SFMBT2: variants seen among roughly 807,000 people sequenced by gnomAD.
The protein encoded by SFMBT2 is scm-like with four MBT domains protein 2.
Under a neutral mutation model 110.1 loss-of-function variants are expected in SFMBT2, and 38 were observed. The ratio of observed to expected loss-of-function variants is 0.35; its 90% CI spans 0.27 to 0.45. The LOEUF is 0.45. Among genes scored for constraint, SFMBT2 ranks in the 20% least tolerant of loss-of-function variants. The probability of loss-of-function intolerance (pLI) is 1.00; values close to 1 mark genes in which losing one functional copy is unlikely to be tolerated. For synonymous variants in SFMBT2, 425 were observed against 425.4 expected, an observed-to-expected ratio of 1.00 and a Z score of 0.01; for missense variants, 1,011 against 1,094.9, an observed-to-expected ratio of 0.92 and a Z score of 1.08.
At chr10:7,207,737 T>C (rs1289109903) in intron 11 of SFMBT2, among the ~76,000 whole-genome samples, 2 of 152,210 alleles carry the variant, frequency 1.3e-5, no homozygotes, top group Non-Finnish European at 2.9e-5. Flanking sequence ...GCTCTGACTT[T>C]TCATCGTCAA....
At position 7,198,592 on chromosome 10, in the gene SFMBT2, T is replaced by C. The variant is rs1838850553; in HGVS notation, c.1559-905A>G. Among the ~76,000 whole-genome samples, 3 of 152,228 alleles carry C rather than the reference T, an allele frequency of 2.0e-5. No individual in the cohort carries two copies. The East Asian group carries it at 5.8e-4, about 29-fold the overall frequency. ...TGGTTCCTGTTGCACTTCTCCACTC[T>C]GCCAGTCTGAAGACGGTGAAGTAGA... On this transcript the variant is annotated intron_variant, in intron 14 of 20. Transcript: ENST00000397167.
chr10:7,222,165 A>G (rs770774980), intron 10 of SFMBT2, among the ~76,000 whole-genome samples: 1 of 152,192 alleles, frequency 6.6e-6, no homozygotes, highest in African/African-American at 2.4e-5. Context: ...CATCCATGCT[A>G]TTACATGAAA....
At position 7,171,026 on chromosome 10, in the gene SFMBT2, C is replaced by T; in HGVS notation, c.2446G>A (p.Val816Ile). 6.2e-7 allele frequency: 1 copy of T among 1,614,218 alleles called. No individual in the cohort carries two copies. Among genetic ancestry groups the T allele is most frequent in the Non-Finnish European group, 8.5e-7 (1 of 1,180,030 alleles). Residue 816 changes from valine (V) to isoleucine (I), a missense_variant, in exon 20 of 21, where the codon GTT becomes ATT. This residue lies in a region of SFMBT2 where 979 missense variants were observed against 1,016.1 expected (regional missense o/e 0.96). Coordinates refer to ENST00000397167, the MANE Select transcript of SFMBT2 (RefSeq NM_001387889.1). The surrounding 1 kb of genome is among the most constrained non-coding windows in gnomAD (Gnocchi z 4.9). The stretch of plus-strand genomic sequence containing the variant: ...CACTCCAACGGGTTGCTCTCCAGAA[C>T]CAGTCTCTCCTCCTCCTCCTGTTTC... Reference protein sequence around the residue: ...DTKQEEEERLVLESNPLEWTV... With the variant: ...DTKQEEEERLILESNPLEWTV...
intron 6 of SFMBT2, among the ~76,000 whole-genome samples, chr10:7,279,051 A>C (rs1013298330): frequency 2.0e-5 from 3 of 151,262 alleles, no homozygotes; most frequent in Non-Finnish European, 4.4e-5. Context: ...CAGTGAGCTG[A>C]GATTGTGCCA....
intron 4 of SFMBT2, among the ~76,000 whole-genome samples, chr10:7,302,873 C>T (rs771735263): frequency 5.3e-5 from 8 of 152,090 alleles, no homozygotes; most frequent in Non-Finnish European, 8.8e-5. Context: ...CTTTTTCTTT[C>T]TTATCAATAA....
intron 4 of SFMBT2, chr10:7,287,460 A>C (rs939482582): frequency 4.1e-6 from 1 of 243,858 alleles, no homozygotes; most frequent in Non-Finnish European, 6.6e-6. Context: ...TGAGGAAAGC[A>C]TATCTCTTTG....
chr10:7,385,564 G>A (rs955062058), intron 1 of SFMBT2, among the ~76,000 whole-genome samples: 14 of 152,208 alleles, frequency 9.2e-5, no homozygotes, highest in African/African-American at 3.1e-4. Flanking sequence ...GAAGGCATAT[G>A]ACGGAGCCCC....
At chr10:7,216,984 A>G (rs1283350717) in intron 11 of SFMBT2, among the ~76,000 whole-genome samples, 1 of 152,244 alleles carries the variant, frequency 6.6e-6, no homozygotes, top group Non-Finnish European at 1.5e-5. Context: ...GGCCAGGTCT[A>G]TGAGGACCAA....
chr10:7,245,290 A>G (rs1840570387), intron 8 of SFMBT2, among the ~76,000 whole-genome samples: 1 of 152,192 alleles, frequency 6.6e-6, no homozygotes, highest in Non-Finnish European at 1.5e-5. Context: ...TCCAGAATTG[A>G]GCCTATGAAT....
At position 7,308,895 on chromosome 10, in the gene SFMBT2, C is replaced by A. The variant is rs932096263; in HGVS notation, c.437-22941G>T. Among the ~76,000 whole-genome samples the A allele has an allele frequency of 3.9e-5, 6 of 152,106 alleles. No homozygotes were observed. In the East Asian group the frequency reaches 1.2e-3, roughly 29 times the overall value. On this transcript the variant is annotated intron_variant, in intron 4 of 20. Coordinates refer to ENST00000397167, the MANE Select transcript of SFMBT2 (RefSeq NM_001387889.1). ...GCCGGATCAATAAAGAACTACAGAC[C>A]AGTAGAAAGAAGAAAAATGAGCAAA...
intron 15 of SFMBT2, among the ~76,000 whole-genome samples, chr10:7,193,423 T>G (rs1488315159): frequency 6.6e-6 from 1 of 152,254 alleles, no homozygotes; most frequent in African/African-American, 2.4e-5. Flanking sequence ...CCCAAGTCTC[T>G]GAGAGCCACC....
chr10:7,284,433 C>T, intron 5 of SFMBT2: 1 of 1,145,288 alleles, frequency 8.7e-7, no homozygotes, highest in African/African-American at 1.6e-5. Flanking sequence ...ATCACCCTTC[C>T]CAGATAAAAT....
intron 1 of SFMBT2, among the ~76,000 whole-genome samples, chr10:7,405,305 T>G (rs1309077098): frequency 1.3e-5 from 2 of 152,210 alleles, no homozygotes; most frequent in African/African-American, 4.8e-5. Flanking sequence ...TGGAAATTAT[T>G]AGAACAAGAT....
chr10:7,291,454 T>C (rs1424400314), intron 4 of SFMBT2, among the ~76,000 whole-genome samples: 2 of 152,200 alleles, frequency 1.3e-5, no homozygotes, highest in African/African-American at 4.8e-5. Context: ...TAAAACGTTT[T>C]CTTTAACAAG....
At chr10:7,378,002 T>G in intron 2 of SFMBT2, among the ~76,000 whole-genome samples, 9 of 134,928 alleles carry the variant, frequency 6.7e-5, no homozygotes, top group Non-Finnish European at 9.7e-5. Flanking sequence ...GGTGTGAATG[T>G]GGGGGTGTAT....
rs1442097576 is a variant in SFMBT2, at chr10:7,300,710, T to G, written c.437-14756A>C. 2.0e-5 allele frequency among the ~76,000 whole-genome samples: 3 copies of G among 152,254 alleles called. No individual in the cohort carries two copies. In the East Asian group the frequency reaches 5.8e-4, roughly 29 times the overall value. On this transcript the variant is annotated intron_variant, in intron 4 of 20. Transcript: ENST00000397167. The stretch of plus-strand genomic sequence containing the variant: ...CAAACTTTCTCCTCCAGGCCCAGCA[T>G]CGTCTCTGGCACTGAGCAGAAATCT...
At chr10:7,239,951 T>G (rs1285658760) in intron 9 of SFMBT2, among the ~76,000 whole-genome samples, 1 of 152,164 alleles carries the variant, frequency 6.6e-6, no homozygotes, top group Non-Finnish European at 1.5e-5. Context: ...TTAACACAAC[T>G]GAGCCTCAAT....
In SFMBT2 at chr10:7,246,006, C is replaced by A. The variant is rs375598286; in HGVS notation, c.973-2301G>T. 119 of 176,914 alleles carry A rather than the reference C, an allele frequency of 6.7e-4. 1 individual carries two copies. The South Asian group carries it at 0.021, about 32-fold the overall frequency. 11.0% of individuals were successfully genotyped at this position (176,914 alleles called of 1,614,324 possible). A position where few individuals can be genotyped will look rare whatever the true frequency, so the allele number is the denominator to read the frequency against. Reference sequence around the variant, plus strand: ...AAATACATTTAATTATTATAAATATCTTCTACGCTAAGAGTATTCTGATAC... The same window carrying A: ...AAATACATTTAATTATTATAAATATATTCTACGCTAAGAGTATTCTGATAC... On this transcript the variant is annotated intron_variant, in intron 8 of 20. Coordinates refer to ENST00000397167, the MANE Select transcript of SFMBT2 (RefSeq NM_001387889.1).
intron 1 of SFMBT2, among the ~76,000 whole-genome samples, chr10:7,385,052 C>A (rs556646549): frequency 6.6e-6 from 1 of 152,132 alleles, no homozygotes; most frequent in African/African-American, 2.4e-5. Flanking sequence ...GTAGCAGGAC[C>A]CCCAGTTCAC....
Sources: allele counts gnomAD v4.1 joint callset (sites outside exome capture counted in the v4.1 genomes callset), GRCh38; gene constraint gnomAD v4.1.1; regional missense constraint gnomAD v4.1.1; non-coding constraint Gnocchi (gnomAD v3.1); transcripts MANE v1.5; gene names NCBI Gene and HGNC (gene_info 2026-07-23, HGNC 2026-07-21).